The following IFT88 variants were observed in gnomAD, a reference collection of about 807,000 sequenced individuals.
IFT88 encodes intraflagellar transport protein 88 homolog.
Under a neutral mutation model 119.5 loss-of-function variants are expected in IFT88, and 74 were observed. The ratio of observed to expected loss-of-function variants is 0.62; its 90% CI spans 0.51 to 0.75. IFT88 has a LOEUF of 0.75. Among genes scored for constraint, IFT88 ranks in the 30% least tolerant of loss-of-function variants. The pLI is 0.00. For missense variants in IFT88, 961 were observed against 977.7 expected (o/e 0.98, Z 0.23); for synonymous variants, 279 against 316.7 (o/e 0.88, Z 1.26).
intron 14 of IFT88, among the ~76,000 whole-genome samples, chr13:20,625,179 T>C (rs1350690013): frequency 4.6e-5 from 7 of 152,202 alleles, no homozygotes; most frequent in Non-Finnish European, 7.3e-5. Flanking sequence ...AAATTCTTAG[T>C]TGACACTCAT....
At chr13:20,605,682 G>T (rs2043316615) in intron 13 of IFT88, among the ~76,000 whole-genome samples, 1 of 152,152 alleles carries the variant, frequency 6.6e-6, no homozygotes, top group African/African-American at 2.4e-5. Flanking sequence ...CCTCACTACA[G>T]ATGCCAGTTG....
chr13:20,580,786 C>A (rs1181836427), intron 2 of IFT88, among the ~76,000 whole-genome samples: 1 of 139,166 alleles, frequency 7.2e-6, no homozygotes, highest in Non-Finnish European at 1.5e-5. Flanking sequence ...AGTGCATTGG[C>A]GCGACCTCTG....
At chr13:20,619,763 T>C (rs1278610994) in intron 14 of IFT88, among the ~76,000 whole-genome samples, 2 of 152,166 alleles carry the variant, frequency 1.3e-5, no homozygotes, top group African/African-American at 4.8e-5. Context: ...CTTGATCCTA[T>C]GGTGTGTATA....
At chr13:20,653,969 T>G in intron 21 of IFT88, 41 bp downstream of exon 21, 1 of 1,295,286 alleles carries the variant, frequency 7.7e-7, no homozygotes, top group Non-Finnish European at 1.1e-6. Context: ...ATATTTTGCT[T>G]CTTTCCTTTT....
intron 13 of IFT88, chr13:20,608,179 G>C: frequency 3.3e-6 from 1 of 305,400 alleles, no homozygotes; most frequent in Non-Finnish European, 6.6e-6. Context: ...GGACCAGACT[G>C]TTCTGCGACG....
intron 13 of IFT88, among the ~76,000 whole-genome samples, chr13:20,606,460 A>G (rs2139306956): frequency 6.6e-6 from 1 of 152,268 alleles, no homozygotes; most frequent in Non-Finnish European, 1.5e-5. Flanking sequence ...CTGGATTTCC[A>G]CCTTCACCTG....
At chr13:20,603,409 T>C (rs2042929802) in intron 12 of IFT88, among the ~76,000 whole-genome samples, 2 of 150,576 alleles carry the variant, frequency 1.3e-5, no homozygotes, top group Admixed American at 1.3e-4. Flanking sequence ...AAAAAGATTA[T>C]AAGAGTACTG....
chr13:20,611,930 T>C (rs1185387292), intron 13 of IFT88, among the ~76,000 whole-genome samples: 1 of 152,168 alleles, frequency 6.6e-6, no homozygotes, highest in Non-Finnish European at 1.5e-5. Context: ...CTGTTCATCA[T>C]TGAACTGGAA....
chr13:20,650,862 T>C (rs2051537424), intron 20 of IFT88, among the ~76,000 whole-genome samples: 1 of 152,192 alleles, frequency 6.6e-6, no homozygotes, highest in African/African-American at 2.4e-5. Context: ...GCATTTGCAA[T>C]GGTATCAAAA....
chr13:20,680,900 T>A (rs1365803783), intron 24 of IFT88, among the ~76,000 whole-genome samples: 2 of 152,232 alleles, frequency 1.3e-5, no homozygotes, highest in Non-Finnish European at 2.9e-5. Context: ...TTGTTCCGCT[T>A]CTATCTTTGC....
chr13:20,602,883 GA>G (rs927160926), intron 12 of IFT88, among the ~76,000 whole-genome samples: 1,789 of 141,826 alleles, frequency 0.013, 37 homozygotes, highest in African/African-American at 0.044. Context: ...ACTCTGTCTT[GA>G]AAAAAAAAAA....
chr13:20,653,133 G>A (rs2052071709), intron 20 of IFT88, among the ~76,000 whole-genome samples: 1 of 152,202 alleles, frequency 6.6e-6, no homozygotes, highest in Non-Finnish European at 1.5e-5. Context: ...GGGTGGCCGT[G>A]TAGGCAATGG....
rs371301305 is a variant in IFT88 at position 20,574,747 on chromosome 13, C to T, written c.90+272C>T. Among the ~76,000 whole-genome samples, 13 of 152,190 alleles carry T rather than the reference C, an allele frequency of 8.5e-5. No homozygotes were observed. The South Asian group carries it at 2.7e-3, about 32-fold the overall frequency. On this transcript the variant is annotated intron_variant, in intron 2 of 25. Coordinates refer to ENST00000351808, the MANE Select transcript of IFT88 (RefSeq NM_006531.5). ...ACTAGCTATCCAAATGTGTAAAAGA[C>T]TTAGATCACCTGAAAGTATTTAAAA...
At chr13:20,615,940 A>C in intron 14 of IFT88, 61 bp downstream of exon 14, 2 of 849,574 alleles carry the variant, frequency 2.4e-6, no homozygotes, top group Non-Finnish European at 3.5e-6. Context: ...TATACTTTTA[A>C]ATTTAAATTA....
At chr13:20,589,683 A>G in intron 3 of IFT88, 128 bp from the exon 4 acceptor site, 1 of 412,374 alleles carries the variant, frequency 2.4e-6, no homozygotes, top group Non-Finnish European at 4.3e-6. Context: ...GATAATTTAA[A>G]AGAAATCATT....
At chr13:20,615,718 A>G in intron 13 of IFT88, 75 bp from the exon 14 acceptor site, 1 of 742,708 alleles carries the variant, frequency 1.3e-6, no homozygotes, top group Non-Finnish European at 2.2e-6. Flanking sequence ...GATAATGTTT[A>G]CACTTAAATT....
At chr13:20,573,650 T>A (rs994047347) in intron 1 of IFT88, among the ~76,000 whole-genome samples, 1 of 152,266 alleles carries the variant, frequency 6.6e-6, no homozygotes, top group Non-Finnish European at 1.5e-5. Context: ...TGTATCATTT[T>A]ACACTCCCAT....
chr13:20,568,647 G>A (rs2035485027), intron 1 of IFT88, among the ~76,000 whole-genome samples: 1 of 152,134 alleles, frequency 6.6e-6, no homozygotes, highest in Non-Finnish European at 1.5e-5. Context: ...AAGAACCACT[G>A]GTTTAGTATT....
intron 23 of IFT88, among the ~76,000 whole-genome samples, chr13:20,664,008 C>T (rs1021063199): frequency 2.6e-5 from 4 of 152,112 alleles, no homozygotes; most frequent in Admixed American, 6.6e-5. Flanking sequence ...TTTTTATTGT[C>T]GCCAAAGTTT....
Sources: allele counts gnomAD v4.1 joint callset (sites outside exome capture counted in the v4.1 genomes callset), GRCh38; gene constraint gnomAD v4.1.1; transcripts MANE v1.5; gene names NCBI Gene and HGNC (gene_info 2026-07-23, HGNC 2026-07-21).